The following SNTG2 variants were observed in gnomAD, a reference collection of about 807,000 sequenced individuals.
SNTG2 encodes gamma-2-syntrophin.
A neutral mutation model predicts 70.9 loss-of-function variants in SNTG2; 74 were observed. That is an observed-to-expected ratio of 1.04 (90% CI 0.86 to 1.27). The LOEUF is 1.27. SNTG2 is among the 50% of genes most tolerant of loss of function. SNTG2 has a pLI of 0.00. For synonymous variants in SNTG2, 278 were observed against 273.8 expected (o/e 1.02, Z -0.15); for missense variants, 717 against 690.7 (o/e 1.04, Z -0.43).
rs141528817 is a variant in SNTG2 at position 1,265,366 on chromosome 2, A to G, written c.1078-1999A>G. Among the ~76,000 whole-genome samples, 675 of 152,314 alleles carry G rather than the reference A, an allele frequency of 4.4e-3. 8 individuals are homozygous for G. Among genetic ancestry groups the G allele is most frequent in the Admixed American group, 0.02 (310 of 15,304 alleles). The stretch of plus-strand genomic sequence containing the variant: ...CACGTACACACACATTCATGTTCAC[A>G]TACATTTCCACACATACACATGTTC... On this transcript the variant is annotated intron_variant, in intron 13 of 16. Coordinates refer to ENST00000308624, the MANE Select transcript of SNTG2 (RefSeq NM_018968.4).
At chr2:1,222,109 C>CTGTTTCTCTCTGTCTCTG (rs760978420) in intron 9 of SNTG2, among the ~76,000 whole-genome samples, 1 of 44,528 alleles carries the variant, frequency 2.2e-5, no homozygotes, top group Non-Finnish European at 4.6e-5. Context: ...CTCTCTGTCT[C>CTGTTTCTCTCTGTCTCTG]TCTCTGTCTC....
At chr2:1,280,097 T>C (rs1436506854) in intron 14 of SNTG2, among the ~76,000 whole-genome samples, 1 of 152,228 alleles carries the variant, frequency 6.6e-6, no homozygotes, top group East Asian at 1.9e-4. Flanking sequence ...AAAAAATCTT[T>C]TTTGAATTAT....
intron 8 of SNTG2, among the ~76,000 whole-genome samples, chr2:1,183,160 A>T (rs1268430075): frequency 6.6e-6 from 1 of 152,198 alleles, no homozygotes; most frequent in African/African-American, 2.4e-5. Flanking sequence ...GCTCAATATT[A>T]TGACATTATA....
At chr2:1,111,661 A>G (rs1023501865) in intron 4 of SNTG2, among the ~76,000 whole-genome samples, 1 of 152,270 alleles carries the variant, frequency 6.6e-6, no homozygotes, top group Non-Finnish European at 1.5e-5. Context: ...AGTGTCCTTC[A>G]AATTACTTCA....
intron 4 of SNTG2, among the ~76,000 whole-genome samples, chr2:1,117,775 T>G (rs1230651659): frequency 1.3e-5 from 2 of 152,190 alleles, no homozygotes; most frequent in Non-Finnish European, 2.9e-5. Flanking sequence ...GCTGGCATCT[T>G]GCCATTCCCG....
intron 8 of SNTG2, among the ~76,000 whole-genome samples, chr2:1,201,948 A>G (rs2147970313): frequency 6.6e-6 from 1 of 152,174 alleles, no homozygotes; most frequent in Middle Eastern, 3.4e-3. Flanking sequence ...GTTGAAAACC[A>G]AGGAAGAAGA....
intron 1 of SNTG2, among the ~76,000 whole-genome samples, chr2:983,881 G>A (rs1360294179): frequency 1.3e-5 from 2 of 152,230 alleles, no homozygotes; most frequent in Non-Finnish European, 2.9e-5. Flanking sequence ...AGAGGTGGGT[G>A]CAGAACTCAC....
At chr2:1,031,524 ATATATTTTT>A (rs1424071699) in intron 1 of SNTG2, among the ~76,000 whole-genome samples, 8 of 45,488 alleles carry the variant, frequency 1.8e-4, no homozygotes, top group African/African-American at 8.3e-4. Flanking sequence ...ATATATATAT[ATATATTTTT>A]TTTTTTTTTT....
rs944526097 is a variant in SNTG2, at chr2:1,016,395, C to T, written c.72+65327C>T. Among the ~76,000 whole-genome samples the T allele has an allele frequency of 5.9e-5, 9 of 152,334 alleles. No homozygotes were observed. In the South Asian group the frequency reaches 8.3e-4, roughly 14 times the overall value. On this transcript the variant is annotated intron_variant, in intron 1 of 16. Coordinates refer to ENST00000308624, the MANE Select transcript of SNTG2 (RefSeq NM_018968.4). ...TAGCTGAGATTACAGGCGCATGCCA[C>T]GTGCCTGGCTAATTTTTGTATTTTT... is the stretch of plus-strand genomic sequence containing the variant.
chr2:1,116,886 ACGGGTGCCCTAGTGTG>A (rs1667037056), intron 4 of SNTG2, among the ~76,000 whole-genome samples: 1 of 72,538 alleles, frequency 1.4e-5, no homozygotes. Flanking sequence ...GCCCTGGTGT[ACGGGTGCCCTAGTGTG>A]TGGGTGCTCT....
At chr2:958,017 C>T (rs554605610) in intron 1 of SNTG2, among the ~76,000 whole-genome samples, 84 of 152,254 alleles carry the variant, frequency 5.5e-4, no homozygotes, top group African/African-American at 2.0e-3. Context: ...CAGGTTAGAA[C>T]TTACCTAATT....
chr2:1,020,632 T>C (rs1226600080), intron 1 of SNTG2, among the ~76,000 whole-genome samples: 1 of 152,210 alleles, frequency 6.6e-6, no homozygotes, highest in Non-Finnish European at 1.5e-5. Flanking sequence ...TCCTCATCCA[T>C]ATTCAATTAC....
At chr2:1,099,695 GT>G (rs1665657949) in intron 4 of SNTG2, among the ~76,000 whole-genome samples, 1 of 68,424 alleles carries the variant, frequency 1.5e-5, no homozygotes. Context: ...GGTGAGGGCA[GT>G]CATGGTCAGG....
At chr2:979,932 G>T (rs958319702) in intron 1 of SNTG2, among the ~76,000 whole-genome samples, 14 of 151,852 alleles carry the variant, frequency 9.2e-5, no homozygotes, top group Non-Finnish European at 2.1e-4. Flanking sequence ...GCCACATTTT[G>T]TTAATAATTA....
chr2:1,224,822 G>T (rs1027797390), intron 9 of SNTG2, among the ~76,000 whole-genome samples: 1 of 152,166 alleles, frequency 6.6e-6, no homozygotes, highest in African/African-American at 2.4e-5. Flanking sequence ...CAGACGCAGC[G>T]TTTCCATCCC....
chr2:1,140,628 G>A (rs1298124122), intron 6 of SNTG2, among the ~76,000 whole-genome samples: 1 of 152,272 alleles, frequency 6.6e-6, no homozygotes, highest in Admixed American at 6.5e-5. Context: ...GCCTGGCAGG[G>A]CCACAGCGAG....
chr2:1,278,934 T>TGTCA (rs1679387715), intron 14 of SNTG2, among the ~76,000 whole-genome samples: 1 of 149,898 alleles, frequency 6.7e-6, no homozygotes. Context: ...GAATCACCCC[T>TGTCA]GTCAGTGCGC....
intron 9 of SNTG2, among the ~76,000 whole-genome samples, chr2:1,230,502 G>A (rs539883827): frequency 6.6e-6 from 1 of 152,324 alleles, no homozygotes; most frequent in South Asian, 2.1e-4. Context: ...CCTGCCTGCT[G>A]CTGGGGGTGC....
chr2:1,092,908 A>C (rs1227771349), intron 2 of SNTG2, among the ~76,000 whole-genome samples: 1 of 152,232 alleles, frequency 6.6e-6, no homozygotes, highest in East Asian at 1.9e-4. Context: ...TAAATGATAA[A>C]ATGCAGAATA....
Sources: allele counts gnomAD v4.1 joint callset (sites outside exome capture counted in the v4.1 genomes callset), GRCh38; gene constraint gnomAD v4.1.1; transcripts MANE v1.5; gene names NCBI Gene and HGNC (gene_info 2026-07-23, HGNC 2026-07-21).